The following STXBP5L variants were observed in gnomAD, a reference collection of about 807,000 sequenced individuals.
The protein encoded by STXBP5L is syntaxin-binding protein 5-like.
In STXBP5L, 65 loss-of-function variants were observed where a neutral mutation model predicts 144.5. The observed-to-expected ratio is 0.45, with a 90% CI of 0.37 to 0.55. The LOEUF is 0.55. Among genes scored for constraint, STXBP5L ranks in the 20% least tolerant of loss-of-function variants. STXBP5L has a pLI of 0.00. For missense variants in STXBP5L, 1,298 were observed against 1,405.5 expected, an observed-to-expected ratio of 0.92 and a Z score of 1.22; for synonymous variants, 505 against 469.6, an observed-to-expected ratio of 1.08 and a Z score of -0.97.
intron 9 of STXBP5L, among the ~76,000 whole-genome samples, chr3:121,164,387 A>G (rs758822706): frequency 1.3e-5 from 2 of 152,220 alleles, no homozygotes; most frequent in African/African-American, 2.4e-5. Context: ...GAGATAACAA[A>G]TGTTGGCAGG....
At chr3:120,916,484 A>G (rs1412107128) in intron 2 of STXBP5L, among the ~76,000 whole-genome samples, 3 of 152,010 alleles carry the variant, frequency 2.0e-5, no homozygotes, top group Admixed American at 1.3e-4. Context: ...TATTTTTAGT[A>G]GAGACGGGGT....
At chr3:121,322,296 T>G (rs1353050387) in intron 20 of STXBP5L, among the ~76,000 whole-genome samples, 2 of 152,068 alleles carry the variant, frequency 1.3e-5, no homozygotes, top group Admixed American at 6.6e-5. Context: ...CTAACCAACA[T>G]GGAGAAACCC....
chr3:121,265,621 C>T (rs1559919677), intron 18 of STXBP5L, among the ~76,000 whole-genome samples: 1 of 152,072 alleles, frequency 6.6e-6, no homozygotes, highest in Non-Finnish European at 1.5e-5. Flanking sequence ...TAACTAAAAT[C>T]AGAGCAGAAC....
At chr3:121,167,714 G>A (rs1266363164) in intron 9 of STXBP5L, among the ~76,000 whole-genome samples, 1 of 152,156 alleles carries the variant, frequency 6.6e-6, no homozygotes, top group Admixed American at 6.5e-5. Context: ...TCATCTCCCT[G>A]GGAGAGAGCA....
chr3:121,365,139 A>C (rs974859337), intron 20 of STXBP5L, among the ~76,000 whole-genome samples: 1 of 151,924 alleles, frequency 6.6e-6, no homozygotes, highest in African/African-American at 2.4e-5. Context: ...AATTCCATTA[A>C]TATGCTACTG....
chr3:121,211,916 C>A (rs550602684), intron 10 of STXBP5L, among the ~76,000 whole-genome samples: 2 of 152,166 alleles, frequency 1.3e-5, no homozygotes, highest in African/African-American at 4.8e-5. Context: ...TTCTAACTGG[C>A]ATGAGATTGT....
At chr3:121,020,726 C>T (rs140973295) in intron 3 of STXBP5L, among the ~76,000 whole-genome samples, 2,934 of 152,078 alleles carry the variant, frequency 0.019, 90 homozygotes, top group African/African-American at 0.066. Context: ...GAATTTGCCA[C>T]TACCAAGCCA....
At chr3:121,050,497 G>GTT in intron 5 of STXBP5L, among the ~76,000 whole-genome samples, 1 of 152,200 alleles carries the variant, frequency 6.6e-6, no homozygotes, top group Admixed American at 6.5e-5. Flanking sequence ...CTTCATAATT[G>GTT]AAGGAGAAAT....
chr3:120,977,533 A>G (rs896989441), intron 3 of STXBP5L, among the ~76,000 whole-genome samples: 2 of 152,192 alleles, frequency 1.3e-5, no homozygotes, highest in Admixed American at 1.3e-4. Flanking sequence ...TGTAGCATTT[A>G]GTCCTTTTAC....
At chr3:121,380,239 T>C (rs2046291658) in intron 21 of STXBP5L, among the ~76,000 whole-genome samples, 2 of 152,180 alleles carry the variant, frequency 1.3e-5, no homozygotes, top group South Asian at 4.1e-4. Context: ...CTGTAAAACA[T>C]ATAACCTCCA....
intron 3 of STXBP5L, among the ~76,000 whole-genome samples, chr3:121,002,216 ATCTT>A (rs1427945540): frequency 6.6e-6 from 1 of 152,100 alleles, no homozygotes; most frequent in Non-Finnish European, 1.5e-5. Context: ...ATCAACACTT[ATCTT>A]TCTTCTCTTT....
rs573933807 is a variant in STXBP5L, at chr3:121,133,801, G to A, written c.669+12097G>A. ...GCCTTAAGAAACTTACAATCATGGC[G>A]CAAGGCAAAGAGGAAGCAAGGCATG... On this transcript the variant is annotated intron_variant, in intron 7 of 26. Transcript: ENST00000471454. 1.3e-4 allele frequency among the ~76,000 whole-genome samples: 20 copies of A among 152,240 alleles called. No individual in the cohort carries two copies. In the South Asian group the frequency reaches 1.7e-3, roughly 13 times the overall value.
At chr3:121,002,998 T>G (rs1943922170) in intron 3 of STXBP5L, among the ~76,000 whole-genome samples, 1 of 152,220 alleles carries the variant, frequency 6.6e-6, no homozygotes, top group South Asian at 2.1e-4. Flanking sequence ...CTATTGTGAA[T>G]AGTGCCTCAA....
intron 18 of STXBP5L, among the ~76,000 whole-genome samples, chr3:121,263,316 G>A (rs1189986389): frequency 2.0e-5 from 3 of 152,052 alleles, no homozygotes; most frequent in East Asian, 3.8e-4. Context: ...CCATCTGAAG[G>A]TCACCAACAT....
intron 7 of STXBP5L, among the ~76,000 whole-genome samples, chr3:121,150,241 C>T (rs1007796105): frequency 1.2e-4 from 18 of 151,908 alleles, no homozygotes; most frequent in Non-Finnish European, 2.6e-4. Context: ...GAAGAAGTAA[C>T]CCTACTTCTT....
At chr3:121,313,962 C>T (rs1336764574) in intron 19 of STXBP5L, among the ~76,000 whole-genome samples, 5 of 150,180 alleles carry the variant, frequency 3.3e-5, no homozygotes, top group Non-Finnish European at 5.9e-5. Context: ...CCAGACAGGG[C>T]GGTGGGGCAG....
chr3:121,049,575 A>G (rs1947790322), intron 5 of STXBP5L: 3 of 154,532 alleles, frequency 1.9e-5, no homozygotes, highest in African/African-American at 7.2e-5. Context: ...TTGTCCCAGA[A>G]AAGCACAGAG....
chr3:121,051,412 A>T (rs1300340474), intron 5 of STXBP5L, among the ~76,000 whole-genome samples: 2 of 152,218 alleles, frequency 1.3e-5, no homozygotes, highest in South Asian at 4.1e-4. Context: ...CAATCAAACT[A>T]GAAGTCAGGA....
chr3:121,150,232 A>T lies in STXBP5L; in HGVS notation c.670-2245A>T, dbSNP rs139328457. Among the ~76,000 whole-genome samples, 1,105 of 152,210 alleles carry T rather than the reference A, an allele frequency of 7.3e-3. 18 individuals carry two copies. The highest frequency in any genetic ancestry group is 0.025 in the African/African-American group (1,046 of 41,558). On this transcript the variant is annotated intron_variant, in intron 7 of 26. Transcript: ENST00000471454. ...TGTAGGTTCTAATGATATCATGGTG[A>T]AGAAGTAACCCTACTTCTTTGCCTT...
Sources: allele counts gnomAD v4.1 joint callset (sites outside exome capture counted in the v4.1 genomes callset), GRCh38; gene constraint gnomAD v4.1.1; transcripts MANE v1.5; gene names NCBI Gene and HGNC (gene_info 2026-07-23, HGNC 2026-07-21).